The following RABGAP1L variants were observed in gnomAD, a reference collection of about 807,000 sequenced individuals.
The protein encoded by RABGAP1L is rab GTPase-activating protein 1-like.
A neutral mutation model predicts 137.7 loss-of-function variants in RABGAP1L; 63 were observed. The ratio of observed to expected loss-of-function variants is 0.46; its 90% CI spans 0.37 to 0.56. The LOEUF (loss-of-function observed/expected upper bound fraction) is 0.56, where lower values mean the gene tolerates loss of function less well. Ranked by LOEUF, RABGAP1L falls within the 20% of genes least tolerant of loss-of-function variation. The pLI is 0.00. For missense variants in RABGAP1L, 1,095 were observed against 1,244.0 expected (o/e 0.88, Z 1.80); for synonymous variants, 431 against 433.7 (o/e 0.99, Z 0.08).
chr1:174,301,795 A>G (rs1244027256), intron 10 of RABGAP1L, among the ~76,000 whole-genome samples: 2 of 152,152 alleles, frequency 1.3e-5, no homozygotes, highest in Admixed American at 6.5e-5. Flanking sequence ...GCAACACTCA[A>G]AGTTGGGCAT....
At chr1:174,819,248 GAGAGAGAGATGAGTAAGTACA>G (rs1690764205) in intron 19 of RABGAP1L, among the ~76,000 whole-genome samples, 1 of 149,508 alleles carries the variant, frequency 6.7e-6, no homozygotes, top group Non-Finnish European at 1.5e-5. Flanking sequence ...AAGTATGGGA[GAGAGAGAGATGAGTAAGTACA>G]AGAGAGAGAG....
chr1:174,175,294 G>A (rs756314763), intron 1 of RABGAP1L, among the ~76,000 whole-genome samples: 4 of 152,104 alleles, frequency 2.6e-5, no homozygotes, highest in Non-Finnish European at 4.4e-5. Flanking sequence ...GAACCATGTC[G>A]TCTTTTTGTT....
intron 13 of RABGAP1L, among the ~76,000 whole-genome samples, chr1:174,614,653 A>G (rs957004976): frequency 3.9e-5 from 6 of 152,208 alleles, no homozygotes; most frequent in Admixed American, 6.5e-5. Context: ...AGTTCTCCTG[A>G]ATAACATCCT....
chr1:174,885,218 A>G (rs1255885335), intron 19 of RABGAP1L, among the ~76,000 whole-genome samples: 1 of 152,206 alleles, frequency 6.6e-6, no homozygotes, highest in Non-Finnish European at 1.5e-5. Context: ...TAACTCTTAC[A>G]GAATCATGTT....
chr1:174,878,974 C>T (rs185818484), intron 19 of RABGAP1L, among the ~76,000 whole-genome samples: 1 of 122,426 alleles, frequency 8.2e-6, no homozygotes, highest in Admixed American at 1.0e-4. Context: ...CCTCTTGTTG[C>T]CCAAGCTGGA....
At chr1:174,754,370 T>C (rs1030262405) in intron 18 of RABGAP1L, among the ~76,000 whole-genome samples, 1 of 152,232 alleles carries the variant, frequency 6.6e-6, no homozygotes, top group Non-Finnish European at 1.5e-5. Flanking sequence ...CAAACATATA[T>C]GACAGTCACT....
At chr1:174,800,212 A>G (rs1688627370) in intron 18 of RABGAP1L, 7 of 1,405,552 alleles carry the variant, frequency 5.0e-6, no homozygotes, top group Non-Finnish European at 6.5e-6. Flanking sequence ...GACAATTCCC[A>G]CCACAGACTG....
chr1:174,271,301 G>A (rs1216720134), intron 7 of RABGAP1L, among the ~76,000 whole-genome samples: 1 of 152,078 alleles, frequency 6.6e-6, no homozygotes, highest in Non-Finnish European at 1.5e-5. Flanking sequence ...CATTTGGACA[G>A]GACCAGTGAT....
rs370861275 is a variant in RABGAP1L, at chr1:174,648,112, G to T, written c.1824+10624G>T. Among the ~76,000 whole-genome samples, 3 of 151,574 alleles carry T rather than the reference G, an allele frequency of 2.0e-5. No homozygotes were observed. The East Asian group carries it at 5.8e-4, about 29-fold the overall frequency. On this transcript the variant is annotated intron_variant, in intron 14 of 25. Transcript: ENST00000681986. ...TCTCTCTTTTCTTTTTTATTAATCT[G>T]GGTAATGTTCTATCTATTTTGTAAA...
chr1:174,644,482 TA>T (rs1674790633), intron 14 of RABGAP1L, among the ~76,000 whole-genome samples: 1 of 151,708 alleles, frequency 6.6e-6, no homozygotes, highest in South Asian at 2.1e-4. Flanking sequence ...TCACTCTTTT[TA>T]AAAAACACTA....
intron 18 of RABGAP1L, among the ~76,000 whole-genome samples, chr1:174,784,310 C>T (rs1017740794): frequency 2.0e-5 from 3 of 152,076 alleles, no homozygotes; most frequent in Admixed American, 6.6e-5. Flanking sequence ...TGAGCCACCG[C>T]GCCTGGACTC....
chr1:174,444,816 GTC>G (rs1654560382), intron 13 of RABGAP1L, among the ~76,000 whole-genome samples: 1 of 151,786 alleles, frequency 6.6e-6, no homozygotes, highest in African/African-American at 2.4e-5. Context: ...ATTTATTTGA[GTC>G]TTCTTTCTTT....
At chr1:174,876,024 C>T (rs1007473763) in intron 19 of RABGAP1L, among the ~76,000 whole-genome samples, 4 of 152,026 alleles carry the variant, frequency 2.6e-5, no homozygotes, top group African/African-American at 4.8e-5. Flanking sequence ...TCCTTGTGCT[C>T]GCTCTTATAA....
chr1:174,222,474 A>G (rs1669831928), intron 3 of RABGAP1L, among the ~76,000 whole-genome samples: 1 of 152,246 alleles, frequency 6.6e-6, no homozygotes, highest in South Asian at 2.1e-4. Flanking sequence ...AGTGTGGTTT[A>G]CCACATAAAG....
At chr1:174,550,527 A>G (rs72715237) in intron 13 of RABGAP1L, among the ~76,000 whole-genome samples, 32,206 of 152,014 alleles carry the variant, frequency 0.21, 3,738 homozygotes, top group Admixed American at 0.25. Flanking sequence ...TGTTCTGCAT[A>G]CTGACTCATT....
chr1:174,524,040 G>A (rs1663660429), intron 13 of RABGAP1L, among the ~76,000 whole-genome samples: 1 of 152,106 alleles, frequency 6.6e-6, no homozygotes, highest in African/African-American at 2.4e-5. Context: ...ATCTGTCAAT[G>A]GACAGTTAGG....
chr1:174,812,895 A>G (rs375630012), intron 19 of RABGAP1L, among the ~76,000 whole-genome samples: 17 of 152,180 alleles, frequency 1.1e-4, no homozygotes, highest in South Asian at 6.2e-4. Flanking sequence ...GGCAGAGTCA[A>G]TAGCCAGTTC....
At position 174,739,252 on chromosome 1, in the gene RABGAP1L, A is replaced by G. The variant is rs1683193418; in HGVS notation, c.2170-13061A>G. Among the ~76,000 whole-genome samples the G allele has an allele frequency of 2.0e-5, 3 of 152,214 alleles. No homozygotes were observed. The South Asian group carries it at 6.2e-4, about 32-fold the overall frequency. Reference sequence around the variant, plus strand: ...ATGACTAGATATACTTTTAGTACCCAAAGTTGTGGATATTTTGTTCCATAA... The same window carrying G: ...ATGACTAGATATACTTTTAGTACCCGAAGTTGTGGATATTTTGTTCCATAA... On this transcript the variant is annotated intron_variant, in intron 17 of 25. Coordinates refer to ENST00000681986, the MANE Select transcript of RABGAP1L (RefSeq NM_001366446.1).
intron 13 of RABGAP1L, among the ~76,000 whole-genome samples, chr1:174,439,225 C>T (rs1339289504): frequency 6.6e-6 from 1 of 152,050 alleles, no homozygotes; most frequent in Admixed American, 6.6e-5. Context: ...CATAAAGTGT[C>T]TTTATCAGGT....
Sources: gnomAD v4.1 joint callset for allele counts (sites outside exome capture counted in the v4.1 genomes callset) on GRCh38, gnomAD v4.1.1 for gene constraint, MANE v1.5 for transcripts, NCBI Gene and HGNC (gene_info 2026-07-23, HGNC 2026-07-21) for gene names.